HTR2C: variants seen among roughly 807,000 people sequenced by gnomAD.
HTR2C encodes the protein 5-hydroxytryptamine (serotonin) receptor 2C, G protein-coupled.
In HTR2C, 5 loss-of-function variants were observed where a neutral mutation model predicts 21.0. The observed-to-expected ratio is 0.24, with a 90% CI of 0.12 to 0.50. The LOEUF is 0.50. Among genes scored for constraint, HTR2C ranks in the 20% least tolerant of loss-of-function variants. The probability of loss-of-function intolerance (pLI) is 0.98; values close to 1 mark genes in which losing one functional copy is unlikely to be tolerated. For synonymous variants in HTR2C, 150 were observed against 145.3 expected (o/e 1.03, Z -0.23); for missense variants, 271 against 371.2 (o/e 0.73, Z 2.22).
chrX:114,895,525 T>C (rs1022767736), intron 5 of HTR2C, among the ~76,000 whole-genome samples: 5 of 111,865 alleles, frequency 4.5e-5, no homozygotes, highest in Non-Finnish European at 9.4e-5. Context: ...GGTTTCTTTA[T>C]CATGTATCTG....
intron 5 of HTR2C, among the ~76,000 whole-genome samples, chrX:114,897,557 C>A (rs782709546): frequency 9.0e-6 from 1 of 111,329 alleles, no homozygotes; most frequent in African/African-American, 3.3e-5. Context: ...TAATGCCCTC[C>A]GTCCTCACCG....
intron 4 of HTR2C, among the ~76,000 whole-genome samples, chrX:114,750,906 A>T (rs2069755506): frequency 8.9e-6 from 1 of 111,772 alleles, no homozygotes; most frequent in Non-Finnish European, 1.9e-5. Flanking sequence ...TCATACACAT[A>T]AAAGGGGGAG....
rs149163074 is a variant in HTR2C at position 114,805,728 on chromosome X, C to T, written c.350-42275C>T. On this transcript the variant is annotated intron_variant, in intron 4 of 5. Transcript: ENST00000276198. Reference sequence around the variant, plus strand: ...ATATACCATATATATACCATATATACACCATATATACACCATATATACACC... The same window carrying T: ...ATATACCATATATATACCATATATATACCATATATACACCATATATACACC... Among the ~76,000 whole-genome samples, 294 of 5,317 alleles carry T rather than the reference C, an allele frequency of 0.055. 60 individuals carry two copies. The East Asian group carries it at 0.8, about 14-fold the overall frequency. 4.6% of individuals were successfully genotyped at this position (5,317 alleles called of 115,157 possible).
intron 2 of HTR2C, among the ~76,000 whole-genome samples, chrX:114,701,552 A>G (rs1274478734): frequency 9.0e-6 from 1 of 110,997 alleles, no homozygotes; most frequent in African/African-American, 3.3e-5. Flanking sequence ...CACACCAAAA[A>G]CCCATCTGTA....
rs1927283494 is a variant in HTR2C, at chrX:114,584,157, T to C, written c.-649T>C. 2 of 112,679 alleles carry C rather than the reference T, an allele frequency of 1.8e-5. No individual in the cohort carries two copies. Among genetic ancestry groups the C allele is most frequent in the African/African-American group, 6.5e-5 (2 of 30,919 alleles). 9.3% of individuals were successfully genotyped at this position (112,679 alleles called of 1,213,427 possible). ...GCACCGATCTTCCCGATACTGCCTT[T>C]GGAGCGGCTAGATTGCTAGCCTTGG... On this transcript the variant is annotated 5_prime_UTR_variant, in exon 1 of 6. Transcript: ENST00000276198.
chrX:114,596,404 T>C (rs1569476205), intron 1 of HTR2C, among the ~76,000 whole-genome samples: 1 of 112,347 alleles, frequency 8.9e-6, no homozygotes, highest in Non-Finnish European at 1.9e-5. Context: ...TTTAGCTTCA[T>C]GATTAGAAAT....
At chrX:114,591,768 A>G (rs781978764) in intron 1 of HTR2C, among the ~76,000 whole-genome samples, 21 of 112,387 alleles carry the variant, frequency 1.9e-4, no homozygotes, top group Non-Finnish European at 3.8e-4. Flanking sequence ...TGAGGGCTTA[A>G]TGTACATTTA....
intron 2 of HTR2C, among the ~76,000 whole-genome samples, chrX:114,655,001 A>G (rs1556409085): frequency 9.2e-6 from 1 of 108,811 alleles, no homozygotes; most frequent in African/African-American, 3.3e-5. Context: ...AAATGAAACT[A>G]CAAAACACAT....
chrX:114,613,533 C>T (rs1313323291), intron 1 of HTR2C, among the ~76,000 whole-genome samples: 1 of 111,282 alleles, frequency 9.0e-6, no homozygotes, highest in East Asian at 2.8e-4. Context: ...CTTAGAATGC[C>T]TCAACTGTCT....
At chrX:114,890,274 A>C (rs2071249626) in intron 5 of HTR2C, among the ~76,000 whole-genome samples, 1 of 112,205 alleles carries the variant, frequency 8.9e-6, no homozygotes, top group Non-Finnish European at 1.9e-5. Flanking sequence ...GTATAGTTGC[A>C]TTTACCTCTT....
intron 4 of HTR2C, among the ~76,000 whole-genome samples, chrX:114,736,492 G>C (rs1265190915): frequency 9.0e-6 from 1 of 111,713 alleles, no homozygotes; most frequent in African/African-American, 3.3e-5. Flanking sequence ...CACAATTAAA[G>C]ACAAAGAAAT....
chrX:114,805,652 TATATATAC>T (rs1569495525), intron 4 of HTR2C, among the ~76,000 whole-genome samples: 2,405 of 30,153 alleles, frequency 0.08, 699 homozygotes, highest in African/African-American at 0.19. Flanking sequence ...ATATACACCA[TATATATAC>T]CATATATATA....
intron 5 of HTR2C, among the ~76,000 whole-genome samples, chrX:114,854,914 T>C (rs1187562188): frequency 9.0e-6 from 1 of 111,502 alleles, no homozygotes; most frequent in Admixed American, 9.5e-5. Context: ...GGAACAGACA[T>C]GACCAAACAT....
chrX:114,592,106 A>G (rs1158003234), intron 1 of HTR2C, among the ~76,000 whole-genome samples: 1 of 111,956 alleles, frequency 8.9e-6, no homozygotes, highest in African/African-American at 3.2e-5. Context: ...CTGAGGTTAT[A>G]TGACTGACTT....
At chrX:114,687,710 G>C (rs1429984185) in intron 2 of HTR2C, among the ~76,000 whole-genome samples, 1 of 111,424 alleles carries the variant, frequency 9.0e-6, no homozygotes, top group African/African-American at 3.3e-5. Flanking sequence ...TAATGAGATA[G>C]GTAATTCATA....
intron 5 of HTR2C, among the ~76,000 whole-genome samples, chrX:114,895,326 A>G (rs2071288329): frequency 8.9e-6 from 1 of 112,026 alleles, no homozygotes; most frequent in African/African-American, 3.2e-5. Context: ...GAGGTAGTAG[A>G]TCATGCAACT....
At chrX:114,771,188 A>G (rs1305638551) in intron 4 of HTR2C, among the ~76,000 whole-genome samples, 7 of 111,105 alleles carry the variant, frequency 6.3e-5, no homozygotes, top group Non-Finnish European at 1.1e-4. Flanking sequence ...TTGAAATCAG[A>G]TCTACTCCAA....
intron 4 of HTR2C, among the ~76,000 whole-genome samples, chrX:114,750,548 C>A (rs782146223): frequency 1.1e-4 from 12 of 112,123 alleles, no homozygotes; most frequent in Admixed American, 4.8e-4. Context: ...AGTTGTTATT[C>A]CTTACGTGCC....
At position 114,907,037 on chromosome X, in the gene HTR2C, G is replaced by T. The variant is rs782374943; in HGVS notation, c.999G>T (p.Leu333=). The change falls in exon 6 of 6, where the codon CTG becomes CTT. Residue 333 remains leucine, a synonymous_variant. Coordinates refer to ENST00000276198, the MANE Select transcript of HTR2C (RefSeq NM_000868.4). Reference sequence around the variant, plus strand: ...GCCCATTTTTCATTACCAATATTCTGTCTGTTCTTTGTGAGAAGTCCTGTA... The same window carrying T: ...GCCCATTTTTCATTACCAATATTCTTTCTGTTCTTTGTGAGAAGTCCTGTA... ...MWCPFFITNI[L]SVLCEKSCNQ... 5.8e-6 allele frequency: 7 copies of T among 1,208,595 alleles called. No homozygotes were observed. In the Admixed American group the frequency reaches 1.3e-4, roughly 23 times the overall value.
Sources: gnomAD v4.1 joint callset for allele counts (sites outside exome capture counted in the v4.1 genomes callset) on GRCh38, gnomAD v4.1.1 for gene constraint, MANE v1.5 for transcripts, NCBI Gene and HGNC (gene_info 2026-07-23, HGNC 2026-07-21) for gene names.